The following HYCC1 variants were observed in gnomAD, a reference collection of about 807,000 sequenced individuals.
HYCC1 encodes hyccin PI4KA lipid kinase complex subunit 1.
chr7:22,911,260 TGG>T, the HYCC1 span, among the ~76,000 whole-genome samples: 1 of 152,160 alleles, frequency 6.6e-6, no homozygotes, highest in Non-Finnish European at 1.5e-5. Context: ...TTGTGTAGGC[TGG>T]TTTTGTTTTG....
the HYCC1 span, among the ~76,000 whole-genome samples, chr7:22,925,977 T>G: frequency 2.0e-5 from 3 of 152,238 alleles, no homozygotes; most frequent in African/African-American, 7.2e-5. Context: ...GACTAACAGC[T>G]GATCTCTCGG....
At chr7:22,947,354 A>G in the HYCC1 span, 1 of 812,000 alleles carries the variant, frequency 1.2e-6, no homozygotes. Flanking sequence ...GAATGTTATG[A>G]ATTAAGCCAA....
chr7:23,013,514 G>T, the HYCC1 span, among the ~76,000 whole-genome samples: 3 of 152,216 alleles, frequency 2.0e-5, no homozygotes, highest in Admixed American at 6.5e-5. Flanking sequence ...GGAGGGGACG[G>T]GGGGCTCCCG....
At chr7:22,989,857 CT>C in the HYCC1 span, among the ~76,000 whole-genome samples, 1 of 152,140 alleles carries the variant, frequency 6.6e-6, no homozygotes, top group African/African-American at 2.4e-5. Context: ...GGTGCTTTTC[CT>C]AAATACACAC....
chr7:22,945,810 C>T, the HYCC1 span: 3 of 1,613,812 alleles, frequency 1.9e-6, no homozygotes, highest in Non-Finnish European at 1.7e-6. Flanking sequence ...TTACTAAATA[C>T]AGTCGCTGCG....
the HYCC1 span, chr7:22,976,432 C>T: frequency 5.6e-6 from 4 of 711,990 alleles, no homozygotes; most frequent in Non-Finnish European, 9.5e-6. Context: ...TATAAGCACA[C>T]CAATAATGAA....
the HYCC1 span, among the ~76,000 whole-genome samples, chr7:23,003,336 A>G: frequency 6.6e-6 from 1 of 152,202 alleles, no homozygotes; most frequent in African/African-American, 2.4e-5. Flanking sequence ...TTCACAGTCT[A>G]TTAGGAGAGA....
the HYCC1 span, among the ~76,000 whole-genome samples, chr7:22,902,600 G>A: frequency 2.0e-5 from 3 of 151,992 alleles, no homozygotes; most frequent in Admixed American, 6.6e-5. Flanking sequence ...CAGGAGAACT[G>A]GATAGACAGT....
chr7:22,929,714 G>A, the HYCC1 span, among the ~76,000 whole-genome samples: 1 of 152,198 alleles, frequency 6.6e-6, no homozygotes, highest in Admixed American at 6.5e-5. Context: ...AGAGGATGTG[G>A]AGAAATAGGA....
chr7:23,003,071 C>T, the HYCC1 span, among the ~76,000 whole-genome samples: 2 of 152,042 alleles, frequency 1.3e-5, no homozygotes, highest in Admixed American at 6.5e-5. Context: ...CTCTAAAGAC[C>T]CTATTTCCAA....
the HYCC1 span, among the ~76,000 whole-genome samples, chr7:22,972,761 T>C: frequency 3.9e-4 from 60 of 152,312 alleles, no homozygotes; most frequent in African/African-American, 1.4e-3. Flanking sequence ...TGTTCACACA[T>C]ACTATGTAGG....
the HYCC1 span, chr7:22,976,673 T>C: frequency 7.0e-7 from 1 of 1,430,958 alleles, no homozygotes; most frequent in African/African-American, 1.4e-5. Context: ...AAGATAAGAA[T>C]TTTTATCCCC....
At chr7:22,943,483 G>C in the HYCC1 span, 1 of 152,070 alleles carries the variant, frequency 6.6e-6, no homozygotes, top group Admixed American at 6.6e-5. Context: ...CTGGTCCTCA[G>C]ACCACACAGC....
the HYCC1 span, chr7:22,976,903 A>G: frequency 2.7e-6 from 2 of 751,530 alleles, no homozygotes; most frequent in Non-Finnish European, 2.3e-6. Flanking sequence ...AGCTACCACG[A>G]ACATCATATA....
chr7:22,983,921 C>A, the HYCC1 span: 8 of 1,340,810 alleles, frequency 6.0e-6, no homozygotes, highest in East Asian at 2.3e-5. Flanking sequence ...ACTGTTAGCA[C>A]AATAAACCAT....
At chr7:23,013,867 A>G in the HYCC1 span, 4 of 453,084 alleles carry the variant, frequency 8.8e-6, no homozygotes, top group East Asian at 7.1e-5. Context: ...TGACAAAAAA[A>G]AGTTATCCGT....
At chr7:22,935,248 A>G in the HYCC1 span, 2 of 152,144 alleles carry the variant, frequency 1.3e-5, no homozygotes, top group African/African-American at 4.8e-5. Context: ...TCTTGTGAAG[A>G]CTGTATTTGA....
chr7:22,908,647 C>T, the HYCC1 span, among the ~76,000 whole-genome samples: 1 of 152,190 alleles, frequency 6.6e-6, no homozygotes, highest in Non-Finnish European at 1.5e-5. Flanking sequence ...ATCTGCACTC[C>T]AGTCAGACTG....
At chr7:22,989,295 C>CAT in the HYCC1 span, among the ~76,000 whole-genome samples, 3 of 31,620 alleles carry the variant, frequency 9.5e-5, no homozygotes, top group East Asian at 3.2e-3. Flanking sequence ...AACACACACA[C>CAT]ACACACACAC....
Sources: gnomAD v4.1 joint callset for allele counts (sites outside exome capture counted in the v4.1 genomes callset) on GRCh38, gnomAD v4.1.1 for gene constraint, MANE v1.5 for transcripts, NCBI Gene and HGNC (gene_info 2026-07-23, HGNC 2026-07-21) for gene names.